PRKG1: variants seen among roughly 807,000 people sequenced by gnomAD.
The protein encoded by PRKG1 is protein kinase cGMP-dependent 1.
In PRKG1, 35 loss-of-function variants were observed where a neutral mutation model predicts 88.1. The ratio of observed to expected loss-of-function variants is 0.40; its 90% CI spans 0.30 to 0.53. PRKG1 has a LOEUF of 0.53. PRKG1 is among the 20% of genes least tolerant of loss of function. The pLI is 0.59. For synonymous variants in PRKG1, 303 were observed against 292.5 expected (o/e 1.04, Z -0.37); for missense variants, 540 against 839.8 (o/e 0.64, Z 4.41).
chr10:51,665,273 A>G (rs868059427), intron 3 of PRKG1, among the ~76,000 whole-genome samples: 12 of 152,178 alleles, frequency 7.9e-5, no homozygotes, highest in Middle Eastern at 3.2e-3. Context: ...GATAAAAATT[A>G]AAATAAGAGG....
chr10:51,716,038 A>T (rs558323288), intron 3 of PRKG1, among the ~76,000 whole-genome samples: 1 of 152,200 alleles, frequency 6.6e-6, no homozygotes, highest in Non-Finnish European at 1.5e-5. Flanking sequence ...GATGTCAAGC[A>T]TCATAATGGT....
At chr10:52,231,751 A>C (rs1840528597) in intron 9 of PRKG1, among the ~76,000 whole-genome samples, 1 of 152,226 alleles carries the variant, frequency 6.6e-6, no homozygotes, top group South Asian at 2.1e-4. Context: ...TAGCAGCCTG[A>C]AACCTAAGAT....
intron 9 of PRKG1, among the ~76,000 whole-genome samples, chr10:52,180,350 C>G (rs536545666): frequency 4.3e-4 from 65 of 152,248 alleles, no homozygotes; most frequent in African/African-American, 1.5e-3. Flanking sequence ...TCTGTAATCT[C>G]TTATATCTCA....
chr10:52,066,252 A>G (rs1488846570), intron 7 of PRKG1, among the ~76,000 whole-genome samples: 1 of 152,050 alleles, frequency 6.6e-6, no homozygotes, highest in East Asian at 1.9e-4. Flanking sequence ...CCTTTAAATT[A>G]TTGGCACTCT....
At chr10:51,570,195 G>A (rs970590874) in intron 3 of PRKG1, among the ~76,000 whole-genome samples, 6 of 151,060 alleles carry the variant, frequency 4.0e-5, no homozygotes, top group East Asian at 2.0e-4. Context: ...CTGTCCCCCC[G>A]CACAGCCCGC....
intron 4 of PRKG1, among the ~76,000 whole-genome samples, chr10:51,861,357 A>G (rs1011792944): frequency 6.6e-6 from 1 of 152,208 alleles, no homozygotes; most frequent in Admixed American, 6.5e-5. Context: ...ATTGCTTGCT[A>G]CTTCTCTACT....
chr10:51,439,210 C>T (rs1227188681), intron 2 of PRKG1, among the ~76,000 whole-genome samples: 1 of 151,792 alleles, frequency 6.6e-6, no homozygotes, highest in African/African-American at 2.4e-5. Flanking sequence ...ACAGTTCCTT[C>T]ACTGGATACG....
intron 1 of PRKG1, among the ~76,000 whole-genome samples, chr10:51,090,011 T>G (rs191670215): frequency 1.9e-4 from 29 of 152,284 alleles, no homozygotes; most frequent in Non-Finnish European, 1.2e-4. Context: ...ACATGGCATA[T>G]ACAATGGATA....
At chr10:52,220,632 T>G (rs1447837181) in intron 9 of PRKG1, among the ~76,000 whole-genome samples, 2 of 152,124 alleles carry the variant, frequency 1.3e-5, no homozygotes, top group East Asian at 3.9e-4. Flanking sequence ...TGTATTCTCA[T>G]CATTTAGCTC....
At chr10:51,424,431 A>G (rs1352753351) in intron 2 of PRKG1, among the ~76,000 whole-genome samples, 2 of 152,046 alleles carry the variant, frequency 1.3e-5, no homozygotes, top group Non-Finnish European at 1.5e-5. Flanking sequence ...ATTTTTTTTA[A>G]AAAAGGAAAG....
At chr10:51,628,975 A>AAC (rs1554827089) in intron 3 of PRKG1, among the ~76,000 whole-genome samples, 2 of 45,290 alleles carry the variant, frequency 4.4e-5, no homozygotes, top group Non-Finnish European at 1.4e-4. Context: ...CAAAAAAAAA[A>AAC]AAAACAAAAA....
In PRKG1 at chr10:51,017,530, T is replaced by A. The variant is rs565141897; in HGVS notation, c.266+25886T>A. 5.9e-5 allele frequency among the ~76,000 whole-genome samples: 9 copies of A among 152,284 alleles called. No homozygotes were observed. The South Asian group carries it at 1.9e-3, about 32-fold the overall frequency. ...TGTGTATGAGATTTTCTTAGTCAAA[T>A]CACTAGGTACAAAATGTTATATTAG... On this transcript the variant is annotated intron_variant, in intron 1 of 17. Transcript: ENST00000401604.
intron 8 of PRKG1, among the ~76,000 whole-genome samples, chr10:52,150,183 A>AATTATTATTATTATTATTATTATTATT (rs60620444): frequency 1.6e-4 from 24 of 147,992 alleles, no homozygotes; most frequent in African/African-American, 5.5e-4. Context: ...TAATAATAAT[A>AATTATTATTATTATTATTATTATTATT]ATTTGATTGG....
At chr10:51,686,488 G>C (rs1840994291) in intron 3 of PRKG1, among the ~76,000 whole-genome samples, 1 of 152,174 alleles carries the variant, frequency 6.6e-6, no homozygotes, top group South Asian at 2.1e-4. Flanking sequence ...CAACTAGCTT[G>C]CTTGTGTCAG....
intron 3 of PRKG1, among the ~76,000 whole-genome samples, chr10:51,497,311 C>T (rs557817370): frequency 9.2e-5 from 14 of 152,268 alleles, no homozygotes; most frequent in African/African-American, 3.1e-4. Flanking sequence ...CAATACTTTT[C>T]CCGTGAATCA....
At chr10:51,668,407 A>ATTTGT (rs1233797519) in intron 3 of PRKG1, among the ~76,000 whole-genome samples, 2 of 152,146 alleles carry the variant, frequency 1.3e-5, no homozygotes, top group Admixed American at 6.5e-5. Context: ...TGCTCAAACA[A>ATTTGT]TTTGTTTTGT....
intron 3 of PRKG1, among the ~76,000 whole-genome samples, chr10:51,588,904 T>A (rs998431741): frequency 6.6e-6 from 1 of 152,174 alleles, no homozygotes; most frequent in African/African-American, 2.4e-5. Context: ...ACTTCCCTTT[T>A]TTTTCAATGA....
At chr10:52,037,539 C>CA (rs1845648636) in intron 5 of PRKG1, among the ~76,000 whole-genome samples, 1 of 152,034 alleles carries the variant, frequency 6.6e-6, no homozygotes, top group Non-Finnish European at 1.5e-5. Flanking sequence ...GGGTTGCTGC[C>CA]AAACAAGTCA....
chr10:51,011,302 C>T (rs1346856456), intron 1 of PRKG1, among the ~76,000 whole-genome samples: 15 of 151,892 alleles, frequency 9.9e-5, no homozygotes. Flanking sequence ...CCAGTAACAC[C>T]AGTAATACTC....
Sources: gnomAD v4.1 joint callset for allele counts (sites outside exome capture counted in the v4.1 genomes callset) on GRCh38, gnomAD v4.1.1 for gene constraint, MANE v1.5 for transcripts, NCBI Gene and HGNC (gene_info 2026-07-23, HGNC 2026-07-21) for gene names.